The following SPTLC3 variants were observed in gnomAD, a reference collection of about 807,000 sequenced individuals.
The protein encoded by SPTLC3 is serine palmitoyltransferase long chain base subunit 3.
Under a neutral mutation model 59.3 loss-of-function variants are expected in SPTLC3, and 36 were observed. The observed-to-expected ratio is 0.61, with a 90% confidence interval of 0.47 to 0.80. The LOEUF (loss-of-function observed/expected upper bound fraction) is 0.80, where lower values mean the gene tolerates loss of function less well. Ranked by LOEUF, SPTLC3 falls within the 30% of genes least tolerant of loss-of-function variation. SPTLC3 has a pLI of 0.00. For synonymous variants in SPTLC3, 257 were observed against 240.8 expected (o/e 1.07, Z -0.62); for missense variants, 625 against 685.1 (o/e 0.91, Z 0.98).
chr20:13,108,880 A>T (rs1339896673), intron 6 of SPTLC3, among the ~76,000 whole-genome samples: 1 of 152,232 alleles, frequency 6.6e-6, no homozygotes, highest in Non-Finnish European at 1.5e-5. Flanking sequence ...ATTGCATAAC[A>T]GTCAAGCCAG....
At chr20:13,058,958 C>A (rs1987838418) in intron 2 of SPTLC3, among the ~76,000 whole-genome samples, 1 of 152,132 alleles carries the variant, frequency 6.6e-6, no homozygotes, top group Non-Finnish European at 1.5e-5. Context: ...TCCCAAAGAA[C>A]CAACCGTCAA....
chr20:13,119,676 A>T (rs945257014), intron 8 of SPTLC3, among the ~76,000 whole-genome samples: 1 of 151,932 alleles, frequency 6.6e-6, no homozygotes, highest in Non-Finnish European at 1.5e-5. Flanking sequence ...TTCATGTTAC[A>T]CTGCAGTGTC....
At chr20:13,135,036 A>C (rs892890152) in intron 9 of SPTLC3, among the ~76,000 whole-genome samples, 20 of 152,186 alleles carry the variant, frequency 1.3e-4, no homozygotes, top group African/African-American at 4.6e-4. Flanking sequence ...TAACTTTTTG[A>C]AGTATGTAAA....
intron 9 of SPTLC3, among the ~76,000 whole-genome samples, chr20:13,152,950 A>T (rs1258212144): frequency 1.3e-5 from 2 of 152,230 alleles, no homozygotes; most frequent in Non-Finnish European, 2.9e-5. Flanking sequence ...AAAATATTGT[A>T]TAACCTCTAG....
intron 4 of SPTLC3, among the ~76,000 whole-genome samples, chr20:13,082,851 G>A (rs183696592): frequency 2.6e-5 from 4 of 152,162 alleles, no homozygotes; most frequent in East Asian, 1.9e-4. Context: ...CATTGACATC[G>A]GCACCTGTGT....
intron 8 of SPTLC3, among the ~76,000 whole-genome samples, chr20:13,124,624 G>A (rs1391290846): frequency 6.6e-6 from 1 of 152,156 alleles, no homozygotes; most frequent in East Asian, 1.9e-4. Flanking sequence ...AGGAAGAACA[G>A]AACACATCCC....
chr20:13,132,794 A>T (rs1447771907), intron 9 of SPTLC3: 2 of 152,064 alleles, frequency 1.3e-5, no homozygotes, highest in Non-Finnish European at 2.9e-5. Context: ...CTCTCATCCT[A>T]AAAAGACTTT....
intron 1 of SPTLC3, among the ~76,000 whole-genome samples, chr20:13,039,662 T>A (rs1165538654): frequency 6.6e-6 from 1 of 152,146 alleles, no homozygotes; most frequent in African/African-American, 2.4e-5. Flanking sequence ...TTGCCTTCTG[T>A]ATATCTCATG....
rs376930165 is a variant in SPTLC3 at position 13,164,779 on chromosome 20, G to A, written c.1571G>A (p.Gly524Asp). ...DTVLEALDEM[G>D]DLLQLKYSRH... The stretch of plus-strand genomic sequence containing the variant: ...GTTTTAGAAGCTCTTGATGAAATGG[G>A]TGATCTCTTGCAACTGAAATATTCC... Residue 524 changes from glycine to aspartate, a missense_variant, in exon 12 of 12, where the codon GGT becomes GAT. Coordinates refer to ENST00000399002, the MANE Select transcript of SPTLC3 (RefSeq NM_018327.4). 6.2e-7 allele frequency: 1 copy of A among 1,613,724 alleles called. No homozygotes were observed. Among genetic ancestry groups the A allele is most frequent in the Non-Finnish European group, 8.5e-7 (1 of 1,179,820 alleles).
At position 13,165,006 on chromosome 20, in the gene SPTLC3, CGTT is replaced by C. The variant is rs2038966385; in HGVS notation, c.*146_*148del. On this transcript the variant is annotated 3_prime_UTR_variant, in exon 12 of 12. Coordinates refer to ENST00000399002, the MANE Select transcript of SPTLC3 (RefSeq NM_018327.4). ...ACCAGCTTGATTGAACTGAGGGAGACGTTGTTGTTTTTAATGTCTCCAGCTTGG... is the reference window on the plus strand; with the variant it reads ...ACCAGCTTGATTGAACTGAGGGAGACGTTGTTTTTAATGTCTCCAGCTTGG... 5 of 632,306 alleles carry C rather than the reference CGTT, an allele frequency of 7.9e-6. No homozygotes were observed. The highest frequency in any genetic ancestry group is 1.8e-5 in the African/African-American group (1 of 54,202). 39.2% of individuals were successfully genotyped at this position (632,306 alleles called of 1,614,324 possible).
chr20:13,094,499 T>A (rs1276168622), intron 6 of SPTLC3, among the ~76,000 whole-genome samples: 1 of 152,134 alleles, frequency 6.6e-6, no homozygotes, highest in Non-Finnish European at 1.5e-5. Flanking sequence ...CCTTCATTTT[T>A]CCCTGTTCCT....
chr20:13,070,143 A>G (rs1444348444), intron 2 of SPTLC3, among the ~76,000 whole-genome samples: 1 of 152,178 alleles, frequency 6.6e-6, no homozygotes, highest in Non-Finnish European at 1.5e-5. Flanking sequence ...AAAGACATAT[A>G]AAGAGTATAA....
At chr20:13,093,975 A>C (rs1447992789) in intron 6 of SPTLC3, among the ~76,000 whole-genome samples, 1 of 152,158 alleles carries the variant, frequency 6.6e-6, no homozygotes, top group Non-Finnish European at 1.5e-5. Context: ...TCCTTAGAAG[A>C]ATGCCTCCTT....
At chr20:13,063,637 T>TTTTA (rs58141093) in intron 2 of SPTLC3, among the ~76,000 whole-genome samples, 37,530 of 145,568 alleles carry the variant, frequency 0.26, 4,946 homozygotes, top group Middle Eastern at 0.32. Flanking sequence ...TTTTTTTAAA[T>TTTTA]TTTATTTATT....
intron 2 of SPTLC3, among the ~76,000 whole-genome samples, chr20:13,051,995 G>T (rs6041811): frequency 6.6e-6 from 1 of 151,952 alleles, no homozygotes; most frequent in Non-Finnish European, 1.5e-5. Context: ...AATAGACACT[G>T]TAAGGCCACA....
At chr20:13,045,100 G>A (rs1347529473) in intron 1 of SPTLC3, among the ~76,000 whole-genome samples, 3 of 151,868 alleles carry the variant, frequency 2.0e-5, no homozygotes, top group African/African-American at 4.8e-5. Flanking sequence ...CTCCTCTAAT[G>A]TTAGCCTAGG....
intron 9 of SPTLC3, among the ~76,000 whole-genome samples, chr20:13,142,919 T>G (rs1337191828): frequency 6.6e-6 from 1 of 152,206 alleles, no homozygotes; most frequent in Non-Finnish European, 1.5e-5. Flanking sequence ...TCTCTCTCTC[T>G]CTTTGAATCT....
At chr20:13,094,686 C>T (rs1989350929) in intron 6 of SPTLC3, among the ~76,000 whole-genome samples, 1 of 152,218 alleles carries the variant, frequency 6.6e-6, no homozygotes, top group South Asian at 2.1e-4. Context: ...TGGGAGTATT[C>T]TCAAGTGAAC....
rs926590861 is a variant in SPTLC3 at position 13,120,560 on chromosome 20, G to T, written c.1152+2835G>T. On this transcript the variant is annotated intron_variant, in intron 8 of 11. Coordinates refer to ENST00000399002, the MANE Select transcript of SPTLC3 (RefSeq NM_018327.4). ...GTGATGTTAATATTGGTATAGAGGGGCTGCATTCCCAGTAACAGTGTCTAG... is the reference window on the plus strand; with the variant it reads ...GTGATGTTAATATTGGTATAGAGGGTCTGCATTCCCAGTAACAGTGTCTAG... Among the ~76,000 whole-genome samples the T allele has an allele frequency of 2.6e-5, 4 of 152,118 alleles. No homozygotes were observed. In the East Asian group the frequency reaches 7.7e-4, roughly 29 times the overall value.
Sources: allele counts gnomAD v4.1 joint callset (sites outside exome capture counted in the v4.1 genomes callset), GRCh38; gene constraint gnomAD v4.1.1; transcripts MANE v1.5; gene names NCBI Gene and HGNC (gene_info 2026-07-23, HGNC 2026-07-21).